ENO4: variants seen among roughly 807,000 people sequenced by gnomAD.
ENO4 encodes the protein 2-phospho-D-glycerate hydro-lyase.
In ENO4, 53 loss-of-function variants were observed where a neutral mutation model predicts 63.2. That is an observed-to-expected ratio of 0.84 (90% CI 0.67 to 1.05). ENO4 has a LOEUF of 1.05. Among genes scored for constraint, ENO4 ranks in the 50% least tolerant of loss-of-function variants. The pLI is 0.00. For missense variants in ENO4, 719 were observed against 772.0 expected (o/e 0.93, Z 0.81); for synonymous variants, 266 against 283.8 (o/e 0.94, Z 0.63).
chr10:116,896,809 T>C (rs1175774501), intron 10 of ENO4, among the ~76,000 whole-genome samples: 3 of 150,260 alleles, frequency 2.0e-5, no homozygotes, highest in Non-Finnish European at 4.4e-5. Context: ...TACTTTTTTT[T>C]TTTTTTTTTT....
intron 7 of ENO4, among the ~76,000 whole-genome samples, chr10:116,866,573 C>T (rs887317203): frequency 2.0e-5 from 3 of 152,106 alleles, no homozygotes; most frequent in African/African-American, 7.2e-5. Flanking sequence ...CCTATAATCC[C>T]GGCACTTTTG....
At chr10:116,871,684 T>C (rs569383687) in intron 9 of ENO4, among the ~76,000 whole-genome samples, 17 of 152,200 alleles carry the variant, frequency 1.1e-4, no homozygotes, top group Non-Finnish European at 2.1e-4. Context: ...TCCAGACATG[T>C]AGTTCTTAGA....
chr10:116,885,857 T>C (rs916857471), downstream of ENO4: 2 of 156,594 alleles, frequency 1.3e-5, no homozygotes, highest in Non-Finnish European at 2.8e-5. Flanking sequence ...ATAACTTGTA[T>C]GCCACAGTAC....
rs529984303 is a variant in ENO4 at position 116,853,033 on chromosome 10, C to T, written c.166-2590C>T. On this transcript the variant is annotated intron_variant, in intron 1 of 13. Transcript: ENST00000341276. The stretch of plus-strand genomic sequence containing the variant: ...GATAATGGCCGGGCGCGGTGGCTCA[C>T]GCCTGTAATCCCAGCACTTTGGGAG... Among the ~76,000 whole-genome samples, 260 of 152,220 alleles carry T rather than the reference C, an allele frequency of 1.7e-3. 1 individual carries two copies. Among genetic ancestry groups the T allele is most frequent in the African/African-American group, 5.9e-3 (247 of 41,556 alleles).
downstream of ENO4, chr10:116,911,970 A>C (rs1440671470): frequency 7.2e-6 from 5 of 696,780 alleles, no homozygotes; most frequent in African/African-American, 7.2e-5. Flanking sequence ...ATATTTTTAA[A>C]TTAGGACTAT....
downstream of ENO4, chr10:116,911,799 T>C (rs1337693925): frequency 1.2e-6 from 2 of 1,611,552 alleles, no homozygotes; most frequent in East Asian, 2.2e-5. Context: ...CCAGTATTCC[T>C]TTTAGTTCAT....
At chr10:116,879,781 T>C (rs2133283170) in intron 12 of ENO4, 88 bp from the exon 13 acceptor site, 2 of 1,012,100 alleles carry the variant, frequency 2.0e-6, no homozygotes, top group East Asian at 2.6e-5. Flanking sequence ...CAGCACACTG[T>C]GACAGTTTCC....
intron 10 of ENO4, among the ~76,000 whole-genome samples, chr10:116,899,145 C>G (rs1847629683): frequency 6.6e-6 from 1 of 151,838 alleles, no homozygotes; most frequent in Non-Finnish European, 1.5e-5. Context: ...GTAGACAAAA[C>G]AGGAAAAAAT....
At chr10:116,906,793 C>T (rs2133336865) in intron 10 of ENO4, 1 of 1,471,266 alleles carries the variant, frequency 6.8e-7, no homozygotes, top group South Asian at 1.3e-5. Flanking sequence ...TGTCTTAATA[C>T]AATATACAAA....
intron 4 of ENO4, 40 bp from the exon 5 acceptor site, chr10:116,860,754 T>C (rs1314744427): frequency 1.6e-6 from 2 of 1,276,984 alleles, no homozygotes; most frequent in Admixed American, 3.3e-5. Context: ...AAGTAAAGCA[T>C]TTAGAAATAC....
intron 10 of ENO4, among the ~76,000 whole-genome samples, chr10:116,892,592 T>C (rs572972009): frequency 2.0e-5 from 3 of 152,352 alleles, no homozygotes; most frequent in African/African-American, 7.2e-5. Flanking sequence ...GCATTTTCAT[T>C]CTATGTTTTC....
At chr10:116,911,446 T>C (rs751029089) in intron 10 of ENO4, 1 of 1,545,076 alleles carries the variant, frequency 6.5e-7, no homozygotes, top group Non-Finnish European at 8.7e-7. Flanking sequence ...GCATTATTCA[T>C]CTATTATATT....
chr10:116,859,452 A>G (rs534937545), intron 4 of ENO4, among the ~76,000 whole-genome samples: 25 of 152,180 alleles, frequency 1.6e-4, no homozygotes, highest in African/African-American at 5.8e-4. Context: ...TCCTTTCAAA[A>G]TTTCCATTAG....
intron 7 of ENO4, chr10:116,864,276 C>T (rs1019029323): frequency 2.0e-5 from 3 of 152,176 alleles, no homozygotes; most frequent in Non-Finnish European, 4.4e-5. Flanking sequence ...AGTTTGACAC[C>T]AGTCTGGCCA....
chr10:116,874,155 A>G lies in ENO4; in HGVS notation c.1295A>G (p.Asn432Ser). Residue 432 changes from asparagine to serine, a missense_variant, in exon 10 of 14, where the codon AAC becomes AGC. Coordinates refer to ENST00000341276, the MANE Select transcript of ENO4 (RefSeq NM_001242699.2). ...GTTGACCTGTATGTGGATCTGATCA[A>G]CAAGTACCCTTCAATTATTGCCTTA... Reference protein sequence around the residue: ...EMVDLYVDLINKYPSIIALID... With the variant: ...EMVDLYVDLISKYPSIIALID... The G allele has an allele frequency of 6.5e-7, 1 of 1,549,242 alleles. No homozygotes were observed. Among genetic ancestry groups the G allele is most frequent in the South Asian group, 1.2e-5 (1 of 83,900 alleles).
At chr10:116,862,605 C>A (rs186187725) in intron 6 of ENO4, among the ~76,000 whole-genome samples, 194 bp from the exon 7 acceptor site, 142 of 152,294 alleles carry the variant, frequency 9.3e-4, no homozygotes, top group Admixed American at 2.1e-3. Flanking sequence ...GGGAGAAGAA[C>A]CTCTCATTCA....
downstream of ENO4, chr10:116,882,707 A>G (rs984146212): frequency 2.0e-5 from 3 of 152,194 alleles, no homozygotes; most frequent in African/African-American, 7.2e-5. Flanking sequence ...GAGTACTAAC[A>G]AGGGACCTTA....
chr10:116,859,143 G>T lies in ENO4; in HGVS notation c.634+5G>T. 6.5e-7 allele frequency: 1 copy of T among 1,527,542 alleles called. No individual in the cohort carries two copies. Among genetic ancestry groups the T allele is most frequent in the South Asian group, 1.2e-5 (1 of 82,144 alleles). The allele number at this position is 1,527,542 out of a possible 1,614,324, so 94.6% of individuals were successfully genotyped here. A position where few individuals can be genotyped will look rare whatever the true frequency, so the allele number is the denominator to read the frequency against. Reference sequence around the variant, plus strand: ...AAAAAAAGGGGCAAAAGCCAGGTTGGTTGGTGACTTATCTTGCAGAGTCGT... The same window carrying T: ...AAAAAAAGGGGCAAAAGCCAGGTTGTTTGGTGACTTATCTTGCAGAGTCGT... On this transcript the variant is annotated splice_donor_5th_base_variant and intron_variant, in intron 4 of 13. Transcript: ENST00000341276.
intron 10 of ENO4, chr10:116,901,375 C>T: frequency 2.0e-6 from 2 of 985,218 alleles, no homozygotes; most frequent in African/African-American, 1.7e-5. Context: ...AAAACGTGCC[C>T]TTCTAAGTAG....
Sources: allele counts gnomAD v4.1 joint callset (sites outside exome capture counted in the v4.1 genomes callset), GRCh38; gene constraint gnomAD v4.1.1; transcripts MANE v1.5; gene names NCBI Gene and HGNC (gene_info 2026-07-23, HGNC 2026-07-21).